Variants in COL27A1 observed in about 807,000 individuals in gnomAD.
The protein encoded by COL27A1 is collagen type XXVII alpha 1 chain, also known as collagen alpha-1(XXVII) chain.
Under a neutral mutation model 251.3 loss-of-function variants are expected in COL27A1, and 106 were observed. The ratio of observed to expected loss-of-function variants is 0.42; its 90% confidence interval spans 0.36 to 0.50. The LOEUF is 0.50. Among genes scored for constraint, COL27A1 ranks in the 20% least tolerant of loss-of-function variants. The pLI is 0.00. For synonymous variants in COL27A1, 1,000 were observed against 986.3 expected, an observed-to-expected ratio of 1.01 and a Z score of -0.26; for missense variants, 2,325 against 2,522.8, an observed-to-expected ratio of 0.92 and a Z score of 1.68.
At chr9:114,161,277 C>T (rs1848479269) in intron 1 of COL27A1, among the ~76,000 whole-genome samples, 1 of 152,176 alleles carries the variant, frequency 6.6e-6, no homozygotes, top group Admixed American at 6.5e-5. Flanking sequence ...GGGTCCCTAA[C>T]AGGCATCCCT....
chr9:114,225,385 T>C (rs1035345983), intron 14 of COL27A1, among the ~76,000 whole-genome samples: 11 of 152,244 alleles, frequency 7.2e-5, no homozygotes, highest in Admixed American at 2.6e-4. Context: ...TGTGTCTTTT[T>C]TTGGCCACTT....
intron 36 of COL27A1, among the ~76,000 whole-genome samples, chr9:114,275,197 G>T (rs1245323281): frequency 6.6e-6 from 1 of 152,020 alleles, no homozygotes; most frequent in Non-Finnish European, 1.5e-5. Context: ...CCAGGAGGTC[G>T]AGGCTGCGGT....
At chr9:114,230,208 T>C (rs185912646) in intron 14 of COL27A1, among the ~76,000 whole-genome samples, 2,535 of 152,068 alleles carry the variant, frequency 0.017, 50 homozygotes, top group African/African-American at 0.054. Context: ...AAAAATCACA[T>C]TCCTGCCTGG....
At chr9:114,248,944 C>A (rs926994471) in intron 24 of COL27A1, among the ~76,000 whole-genome samples, 6 of 152,170 alleles carry the variant, frequency 3.9e-5, no homozygotes, top group African/African-American at 1.2e-4. Flanking sequence ...TCTGTCTTAC[C>A]CCTGTGCCCT....
chr9:114,208,155 G>A (rs1345636240), intron 10 of COL27A1, among the ~76,000 whole-genome samples: 1 of 151,784 alleles, frequency 6.6e-6, no homozygotes, highest in East Asian at 1.9e-4. Context: ...TACTTCCTCA[G>A]GGCTGGGCGC....
Position 114,228,662 on chromosome 9 carries a change from T to G in COL27A1, c.2467-2417T>G, listed in dbSNP as rs1455512576. On this transcript the variant is annotated intron_variant, in intron 14 of 60. Transcript: ENST00000356083. ...CTATGAAATGGGGACAGTAGTAGAC[T>G]GATCTTCATGGGCTGTGGTGAGGAA... is the stretch of plus-strand genomic sequence containing the variant. Among the ~76,000 whole-genome samples the G allele has an allele frequency of 2.6e-5, 4 of 152,234 alleles. No individual in the cohort carries two copies. The East Asian group carries it at 7.7e-4, about 29-fold the overall frequency.
chr9:114,308,203 G>A (rs190049261), intron 59 of COL27A1, among the ~76,000 whole-genome samples: 12 of 152,252 alleles, frequency 7.9e-5, no homozygotes, highest in Admixed American at 7.8e-4. Flanking sequence ...CCTGTTTCTG[G>A]GTTGAGCATT....
At chr9:114,167,655 G>T in intron 2 of COL27A1, 34 bp from the exon 3 acceptor site, 1 of 1,567,890 alleles carries the variant, frequency 6.4e-7, no homozygotes, top group South Asian at 1.2e-5. Context: ...AGCAGGCCCT[G>T]ACTGCGTCCT....
At chr9:114,204,816 A>G (rs1439736568) in intron 7 of COL27A1, among the ~76,000 whole-genome samples, 1 of 152,146 alleles carries the variant, frequency 6.6e-6, no homozygotes, top group Non-Finnish European at 1.5e-5. Context: ...TCTCTTGGTC[A>G]CAGTTGCTCT....
chr9:114,230,219 C>T (rs1192643115), intron 14 of COL27A1, among the ~76,000 whole-genome samples: 1 of 152,132 alleles, frequency 6.6e-6, no homozygotes, highest in Non-Finnish European at 1.5e-5. Flanking sequence ...TCCTGCCTGG[C>T]TCCTGCTGGA....
At chr9:114,306,394 G>A (rs1159649921) in intron 57 of COL27A1, 126 bp from the exon 58 acceptor site, 16 of 894,124 alleles carry the variant, frequency 1.8e-5, no homozygotes, top group Admixed American at 5.4e-5. Context: ...AACCCAACCC[G>A]TGCTCTAGCC....
Position 114,225,907 on chromosome 9 carries a change from C to T in COL27A1, c.2466+3640C>T, listed in dbSNP as rs573599337. ...CAACACATGCACTGGGCTGGGGAGGCCTTGCGAAGCCGAGGTCACCAGTTA... is the reference window on the plus strand; with the variant it reads ...CAACACATGCACTGGGCTGGGGAGGTCTTGCGAAGCCGAGGTCACCAGTTA... On this transcript the variant is annotated intron_variant, in intron 14 of 60. Transcript: ENST00000356083. Among the ~76,000 whole-genome samples the T allele has an allele frequency of 7.9e-5, 12 of 152,244 alleles. No individual in the cohort carries two copies. The South Asian group carries it at 1.0e-3, about 13-fold the overall frequency.
At chr9:114,305,718 C>T (rs1048877347) in intron 57 of COL27A1, among the ~76,000 whole-genome samples, 1 of 152,088 alleles carries the variant, frequency 6.6e-6, no homozygotes, top group Non-Finnish European at 1.5e-5. Context: ...GTCTCTGGGC[C>T]AGGCCTCTAT....
chr9:114,299,650 G>C (rs114893287), intron 49 of COL27A1, among the ~76,000 whole-genome samples: 1 of 152,206 alleles, frequency 6.6e-6, no homozygotes, highest in African/African-American at 2.4e-5. Flanking sequence ...GAAGTGTGGC[G>C]GTCCAGGCAA....
intron 12 of COL27A1, chr9:114,217,804 G>T: frequency 2.1e-6 from 1 of 470,918 alleles, no homozygotes. Flanking sequence ...GCCAGAGGTG[G>T]GAACTCAATG....
intron 57 of COL27A1, among the ~76,000 whole-genome samples, chr9:114,305,742 C>T (rs1828994353): frequency 6.6e-6 from 1 of 152,174 alleles, no homozygotes; most frequent in Non-Finnish European, 1.5e-5. Flanking sequence ...GCTAGCATCG[C>T]TCCACTTCCA....
chr9:114,164,441 T>C (rs1466299026), intron 2 of COL27A1, among the ~76,000 whole-genome samples: 1 of 152,170 alleles, frequency 6.6e-6, no homozygotes, highest in African/African-American at 2.4e-5. Flanking sequence ...CAGATGGTCT[T>C]TGGGGGACAC....
At chr9:114,269,634 A>AAAAAAAAAAG (rs796293254) in intron 35 of COL27A1, among the ~76,000 whole-genome samples, 82 of 114,366 alleles carry the variant, frequency 7.2e-4, no homozygotes, top group Non-Finnish European at 9.7e-4. Flanking sequence ...AAAAAAAAAA[A>AAAAAAAAAAG]AAGAAGAAGA....
chr9:114,201,008 A>G (rs1014980978), intron 7 of COL27A1, among the ~76,000 whole-genome samples: 2 of 152,180 alleles, frequency 1.3e-5, no homozygotes, highest in African/African-American at 4.8e-5. Flanking sequence ...CTCCCTGCCC[A>G]AAGCCCAGAA....
Sources: gnomAD v4.1 joint callset for allele counts (sites outside exome capture counted in the v4.1 genomes callset) on GRCh38, gnomAD v4.1.1 for gene constraint, MANE v1.5 for transcripts, NCBI Gene and HGNC (gene_info 2026-07-23, HGNC 2026-07-21) for gene names.